RAB15: variants seen among roughly 807,000 people sequenced by gnomAD.
RAB15 encodes the protein ras-related protein Rab-15.
RAB15 carries 13 observed loss-of-function variants against 31.8 expected under a neutral mutation model. That is an observed-to-expected ratio of 0.41 (90% CI 0.27 to 0.65). The LOEUF (loss-of-function observed/expected upper bound fraction) is 0.65. Among genes scored for constraint, RAB15 ranks in the 30% least tolerant of loss-of-function variants. The probability of loss-of-function intolerance (pLI) is 0.32; values close to 1 mark genes in which losing one functional copy is unlikely to be tolerated. For missense variants in RAB15, 220 were observed against 277.3 expected (o/e 0.79, Z 1.47); for synonymous variants, 100 against 105.6 (o/e 0.95, Z 0.33).
chr14:64,951,477 C>G lies in RAB15; in HGVS notation c.246+126G>C. The G allele has an allele frequency of 1.1e-6, 1 of 880,870 alleles. No homozygotes were observed. Among genetic ancestry groups the G allele is most frequent in the East Asian group, 2.4e-5 (1 of 41,516 alleles). 54.6% of individuals were successfully genotyped at this position (880,870 alleles called of 1,614,324 possible). On this transcript the variant is annotated intron_variant, in intron 3 of 6. Transcript: ENST00000533601. The surrounding 1 kb of genome is among the most constrained non-coding windows in gnomAD (Gnocchi z 7.2). Reference sequence around the variant, plus strand: ...AAATGATCAGTGAACAGCTGAAAGACGCCCTGCGCTCCTCCAAGCAGGCGA... The same window carrying G: ...AAATGATCAGTGAACAGCTGAAAGAGGCCCTGCGCTCCTCCAAGCAGGCGA...
At chr14:64,965,332 G>A (rs1426077292) in intron 1 of RAB15, among the ~76,000 whole-genome samples, 1 of 152,024 alleles carries the variant, frequency 6.6e-6, no homozygotes, top group Non-Finnish European at 1.5e-5. Context: ...GGTGGTGCAT[G>A]CTTGTAATCC....
At position 64,948,856 on chromosome 14, in the gene RAB15, G is replaced by C. The variant is rs1478639083; in HGVS notation, c.415-123C>G. 1 of 842,636 alleles carries C rather than the reference G, an allele frequency of 1.2e-6. No homozygotes were observed. The highest frequency in any genetic ancestry group is 1.7e-5 in the African/African-American group (1 of 58,978). 52.2% of individuals were successfully genotyped at this position (842,636 alleles called of 1,614,324 possible). ...TGTGTTGTGACGATTTCTCAGAGTA[G>C]ATAATTTCTCAGATGGGACTGGGAG... On this transcript the variant is annotated intron_variant, in intron 5 of 6. Transcript: ENST00000533601. The surrounding 1 kb of genome is among the most constrained non-coding windows in gnomAD (Gnocchi z 7.0).
In RAB15 at chr14:64,947,182, G is replaced by A. The variant is rs1374323615; in HGVS notation, c.*1172C>T. ...GCTAGGCTCAGTCCTCCGCCTGGGA[G>A]TCTGAGGAAATGCTCTTCTTACCTA... On this transcript the variant is annotated 3_prime_UTR_variant, in exon 7 of 7. Transcript: ENST00000533601. This position sits in a 1 kb window ranked among gnomAD's most constrained non-coding sequence, Gnocchi z 5.6. The A allele has an allele frequency of 6.6e-6, 1 of 152,492 alleles. No homozygotes were observed. The highest frequency in any genetic ancestry group is 1.5e-5 in the Non-Finnish European group (1 of 68,052). 9.4% of individuals were successfully genotyped at this position (152,492 alleles called of 1,614,324 possible).
chr14:64,952,939 C>T lies in RAB15; in HGVS notation c.125-368G>A, dbSNP rs1053245945. Among the ~76,000 whole-genome samples, 55 of 152,230 alleles carry T rather than the reference C, an allele frequency of 3.6e-4. No individual in the cohort carries two copies. Among genetic ancestry groups the T allele is most frequent in the Admixed American group, 2.0e-3 (31 of 15,282 alleles). Reference sequence around the variant, plus strand: ...TTCTGGAGAGAACGCTGTGTTTATCCTTCCTGAAATTCTAATCTCTAGGAA... The same window carrying T: ...TTCTGGAGAGAACGCTGTGTTTATCTTTCCTGAAATTCTAATCTCTAGGAA... On this transcript the variant is annotated intron_variant, in intron 1 of 6. Coordinates refer to ENST00000533601, the MANE Select transcript of RAB15 (RefSeq NM_001308154.2). The surrounding 1 kb of genome is among the most constrained non-coding windows in gnomAD (Gnocchi z 4.2).
intron 1 of RAB15, among the ~76,000 whole-genome samples, chr14:64,965,757 G>A (rs1887103240): frequency 6.6e-6 from 1 of 152,188 alleles, no homozygotes; most frequent in African/African-American, 2.4e-5. Context: ...TGGGGAGCGG[G>A]GAGAAGGAAG....
chr14:64,950,434 A>AG lies in RAB15; in HGVS notation c.325-21dup, dbSNP rs747699199. The AG allele has an allele frequency of 6.3e-7, 1 of 1,599,250 alleles. No individual in the cohort carries two copies. The highest frequency in any genetic ancestry group is 8.6e-7 in the Non-Finnish European group (1 of 1,166,912). ...TGCGTACTAGGGACAAAGGATGGGC[A>AG]GAACAGCCAGTGAGTGCTGCCTGCC... On this transcript the variant is annotated intron_variant, in intron 4 of 6. Coordinates refer to ENST00000533601, the MANE Select transcript of RAB15 (RefSeq NM_001308154.2). This position sits in a 1 kb window ranked among gnomAD's most constrained non-coding sequence, Gnocchi z 5.6.
rs1454683202 is a variant in RAB15, at chr14:64,952,439, T to C, written c.185+72A>G. On this transcript the variant is annotated intron_variant, in intron 2 of 6. Coordinates refer to ENST00000533601, the MANE Select transcript of RAB15 (RefSeq NM_001308154.2). The surrounding 1 kb of genome is among the most constrained non-coding windows in gnomAD (Gnocchi z 4.2). ...AGGTGAAGCCTAGGAATTTTACACA[T>C]GGCAGGGGCAGCTAAGGAGCAGCCA... is the stretch of plus-strand genomic sequence containing the variant. 3.4e-6 allele frequency: 4 copies of C among 1,162,548 alleles called. No homozygotes were observed. Among genetic ancestry groups the C allele is most frequent in the Non-Finnish European group, 5.1e-6 (4 of 778,728 alleles). The allele number at this position is 1,162,548 out of a possible 1,614,324, so 72.0% of individuals were successfully genotyped here. A position where few individuals can be genotyped will look rare whatever the true frequency, so the allele number is the denominator to read the frequency against.
chr14:64,955,057 G>A lies in RAB15; in HGVS notation c.125-2486C>T, dbSNP rs559236821. Among the ~76,000 whole-genome samples the A allele has an allele frequency of 2.6e-5, 4 of 152,186 alleles. No individual in the cohort carries two copies. The highest frequency in any genetic ancestry group is 9.6e-5 in the African/African-American group (4 of 41,514). On this transcript the variant is annotated intron_variant, in intron 1 of 6. Coordinates refer to ENST00000533601, the MANE Select transcript of RAB15 (RefSeq NM_001308154.2). This position sits in a 1 kb window ranked among gnomAD's most constrained non-coding sequence, Gnocchi z 4.4. Reference sequence around the variant, plus strand: ...AGCTATGTGGCGGGGGACTAAGGCTGAGGAATTCCGGGGCTCGCAGCACTC... The same window carrying A: ...AGCTATGTGGCGGGGGACTAAGGCTAAGGAATTCCGGGGCTCGCAGCACTC...
rs552876024 is a variant in RAB15, at chr14:64,954,473, G to A, written c.125-1902C>T. 1.3e-5 allele frequency: 13 copies of A among 985,338 alleles called. No homozygotes were observed. The Admixed American group carries it at 1.8e-4, about 14-fold the overall frequency. 61.0% of individuals were successfully genotyped at this position (985,338 alleles called of 1,614,324 possible). ...ATCCTCACACTAGCCTAGCAAACCT[G>A]GCCAAGGACAGTGCCTTGTGCAAAG... On this transcript the variant is annotated intron_variant, in intron 1 of 6. Coordinates refer to ENST00000533601, the MANE Select transcript of RAB15 (RefSeq NM_001308154.2). This position sits in a 1 kb window ranked among gnomAD's most constrained non-coding sequence, Gnocchi z 4.3.
At position 64,962,568 on chromosome 14, in the gene RAB15, C is replaced by T. The variant is rs1366562156; in HGVS notation, c.124+9385G>A. The stretch of plus-strand genomic sequence containing the variant: ...GACCCCAAGCACAAGCAACCTTAGA[C>T]TGGCTGGCCAGAGAAGACATTTTAA... On this transcript the variant is annotated intron_variant, in intron 1 of 6. Coordinates refer to ENST00000533601, the MANE Select transcript of RAB15 (RefSeq NM_001308154.2). The surrounding 1 kb of genome is among the most constrained non-coding windows in gnomAD (Gnocchi z 4.2). Among the ~76,000 whole-genome samples the T allele has an allele frequency of 6.6e-6, 1 of 152,198 alleles. No homozygotes were observed. Among genetic ancestry groups the T allele is most frequent in the Non-Finnish European group, 1.5e-5 (1 of 68,032 alleles).
At chr14:64,965,912 G>T (rs193133590) in intron 1 of RAB15, among the ~76,000 whole-genome samples, 109 of 152,198 alleles carry the variant, frequency 7.2e-4, no homozygotes, top group African/African-American at 2.6e-3. Flanking sequence ...CCTTCCCAAG[G>T]TCATGTCCTT....
chr14:64,950,420 G>C lies in RAB15; in HGVS notation c.325-6C>G, dbSNP rs759925971. 6 of 1,612,046 alleles carry C rather than the reference G, an allele frequency of 3.7e-6. No homozygotes were observed. Among genetic ancestry groups the C allele is most frequent in the Non-Finnish European group, 5.1e-6 (6 of 1,178,238 alleles). ...TGGACGCCTTCTGGTGCGTACTAGG[G>C]ACAAAGGATGGGCAGAACAGCCAGT... On this transcript the variant is annotated splice_polypyrimidine_tract_variant and splice_region_variant and intron_variant, in intron 4 of 6. Transcript: ENST00000533601. This position sits in a 1 kb window ranked among gnomAD's most constrained non-coding sequence, Gnocchi z 5.6.
At position 64,945,896 on chromosome 14, in the gene RAB15, GAC is replaced by G. The variant is rs138842271; in HGVS notation, c.*2456_*2457del. On this transcript the variant is annotated 3_prime_UTR_variant, in exon 7 of 7. Coordinates refer to ENST00000533601, the MANE Select transcript of RAB15 (RefSeq NM_001308154.2). ...GCTCACAATTCATATATGGACCCGA[GAC>G]ACAGTACACGAAGTTCACCCGTCAC... The G allele has an allele frequency of 0.028, 4,331 of 152,746 alleles. 83 individuals are homozygous for G. The highest frequency in any genetic ancestry group is 0.046 in the Non-Finnish European group (3,160 of 68,044). 9.5% of individuals were successfully genotyped at this position (152,746 alleles called of 1,614,324 possible). A position where few individuals can be genotyped will look rare whatever the true frequency, so the allele number is the denominator to read the frequency against.
In RAB15 at chr14:64,971,931, GC is replaced by G; in HGVS notation, c.124+21del. 1 of 1,548,202 alleles carries G rather than the reference GC, an allele frequency of 6.5e-7. No homozygotes were observed. On this transcript the variant is annotated intron_variant, in intron 1 of 6. Transcript: ENST00000533601. The surrounding 1 kb of genome is among the most constrained non-coding windows in gnomAD (Gnocchi z 4.1). ...GGGCCGCGGGCGGGGAGGGAGGGGC[GC>G]CCCGGGCCACCGCCCCTTACCGATG...
intron 5 of RAB15, among the ~76,000 whole-genome samples, chr14:64,949,025 C>T (rs57319601): frequency 0.074 from 11,217 of 152,242 alleles, 477 homozygotes; most frequent in Middle Eastern, 0.088. Context: ...ATGGCATCCT[C>T]GTAAAAAACA....
At position 64,951,677 on chromosome 14, in the gene RAB15, C is replaced by G. The variant is rs748552099; in HGVS notation, c.186-14G>C. ...CCTGCAGTGTCCCTGCAGGAGAAAG[C>G]CAGTCCCTCAGAGGAGCAGGGACCA... is the stretch of plus-strand genomic sequence containing the variant. On this transcript the variant is annotated splice_polypyrimidine_tract_variant and intron_variant, in intron 2 of 6. Transcript: ENST00000533601. The surrounding 1 kb of genome is among the most constrained non-coding windows in gnomAD (Gnocchi z 7.2). 6.2e-7 allele frequency: 1 copy of G among 1,612,422 alleles called. No individual in the cohort carries two copies. The highest frequency in any genetic ancestry group is 8.5e-7 in the Non-Finnish European group (1 of 1,178,442).
In RAB15 at chr14:64,948,041, C is replaced by T. The variant is rs113708067; in HGVS notation, c.*313G>A. 4.7e-3 allele frequency: 1,478 copies of T among 314,048 alleles called. 7 individuals are homozygous for T. The highest frequency in any genetic ancestry group is 0.017 in the Middle Eastern group (21 of 1,216). 19.5% of individuals were successfully genotyped at this position (314,048 alleles called of 1,614,324 possible). On this transcript the variant is annotated 3_prime_UTR_variant, in exon 7 of 7. Coordinates refer to ENST00000533601, the MANE Select transcript of RAB15 (RefSeq NM_001308154.2). This position sits in a 1 kb window ranked among gnomAD's most constrained non-coding sequence, Gnocchi z 7.0. ...GGAGCAGCTGAAAGTGGCCTGGACT[C>T]CAGCCCTGGCTGTTGTCTGGTGGGT...
At chr14:64,965,408 G>A (rs1026173689) in intron 1 of RAB15, among the ~76,000 whole-genome samples, 33 of 152,214 alleles carry the variant, frequency 2.2e-4, no homozygotes, top group African/African-American at 7.5e-4. Context: ...GCAGTGAGCC[G>A]AGATCGAGCC....
chr14:64,966,380 G>A (rs111638598), intron 1 of RAB15, among the ~76,000 whole-genome samples: 3,929 of 152,026 alleles, frequency 0.026, 191 homozygotes, highest in African/African-American at 0.09. Context: ...AATAATAGCC[G>A]GGTGTGGTGG....
Sources: gnomAD v4.1 joint callset for allele counts (sites outside exome capture counted in the v4.1 genomes callset) on GRCh38, gnomAD v4.1.1 for gene constraint, Gnocchi (gnomAD v3.1) non-coding constraint, MANE v1.5 for transcripts, NCBI Gene and HGNC (gene_info 2026-07-23, HGNC 2026-07-21) for gene names.